The following PFKFB3 variants were observed in gnomAD, a reference collection of about 807,000 sequenced individuals.
PFKFB3 encodes 6-phosphofructo-2-kinase/fructose-2,6-bisphosphatase 3.
Under a neutral mutation model 68.0 loss-of-function variants are expected in PFKFB3, and 33 were observed. The ratio of observed to expected loss-of-function variants is 0.49; its 90% CI spans 0.37 to 0.65. PFKFB3 has a LOEUF of 0.65. Among genes scored for constraint, PFKFB3 ranks in the 30% least tolerant of loss-of-function variants. PFKFB3 has a pLI of 0.00. For synonymous variants in PFKFB3, 315 were observed against 288.2 expected (o/e 1.09, Z -0.94); for missense variants, 586 against 712.2 (o/e 0.82, Z 2.02).
the PFKFB3 span, among the ~76,000 whole-genome samples, chr10:6,309,745 A>G: frequency 6.6e-6 from 1 of 152,330 alleles, no homozygotes; most frequent in South Asian, 2.1e-4. Context: ...TTGCTTCAAA[A>G]TAATCAGGAA....
chr10:6,310,478 A>G, the PFKFB3 span, among the ~76,000 whole-genome samples: 8 of 152,156 alleles, frequency 5.3e-5, no homozygotes, highest in Non-Finnish European at 1.2e-4. Flanking sequence ...TTCGAAAAAA[A>G]AAGTCTCTAA....
the PFKFB3 span, among the ~76,000 whole-genome samples, chr10:6,308,102 G>A: frequency 3.9e-5 from 6 of 152,214 alleles, no homozygotes; most frequent in South Asian, 6.2e-4. Context: ...CCATTTTTGC[G>A]GTATTCTGTT....
At chr10:6,266,683 A>G in the PFKFB3 span, among the ~76,000 whole-genome samples, 90,781 of 152,158 alleles carry the variant, frequency 0.6, 27,579 homozygotes, top group Non-Finnish European at 0.67. Flanking sequence ...TTCTAATTCA[A>G]TGCAAATGTT....
chr10:6,274,374 A>G, the PFKFB3 span, among the ~76,000 whole-genome samples: 1 of 152,194 alleles, frequency 6.6e-6, no homozygotes, highest in Non-Finnish European at 1.5e-5. Flanking sequence ...TTACATTTAA[A>G]AAATAACACA....
chr10:6,256,592 G>C (rs1846498563), downstream of PFKFB3, among the ~76,000 whole-genome samples: 1 of 152,228 alleles, frequency 6.6e-6, no homozygotes. Context: ...GGTGGCTGTT[G>C]TCAGTGGTCT....
chr10:6,283,569 T>A, the PFKFB3 span, among the ~76,000 whole-genome samples: 1 of 152,236 alleles, frequency 6.6e-6, no homozygotes, highest in Admixed American at 6.5e-5. Flanking sequence ...CAGCCCTGAA[T>A]GAGAGGAAAG....
Position 6,229,964 on chromosome 10 carries a change from G to A in PFKFB3, c.1516-2931G>A, listed in dbSNP as rs891349745. Among the ~76,000 whole-genome samples, 4 of 152,052 alleles carry A rather than the reference G, an allele frequency of 2.6e-5. No individual in the cohort carries two copies. Among genetic ancestry groups the A allele is most frequent in the Non-Finnish European group, 5.9e-5 (4 of 67,990 alleles). ...CCACCCACCTCCTGCTGTGTGGCCC[G>A]CCTCTCAGTGGGCTATGGACTGGGT... On this transcript the variant is annotated intron_variant, in intron 14 of 14. Transcript: ENST00000379775. The surrounding 1 kb of genome is among the most constrained non-coding windows in gnomAD (Gnocchi z 4.3).
chr10:6,287,807 G>A, the PFKFB3 span, among the ~76,000 whole-genome samples: 1 of 151,438 alleles, frequency 6.6e-6, no homozygotes, highest in Non-Finnish European at 1.5e-5. Context: ...ACTGCTATCT[G>A]TTAGATCAAT....
chr10:6,285,080 C>T, the PFKFB3 span, among the ~76,000 whole-genome samples: 1 of 152,140 alleles, frequency 6.6e-6, no homozygotes, highest in African/African-American at 2.4e-5. Context: ...CTCCTGCTTT[C>T]AGTTCTTTGG....
chr10:6,196,672 G>A (rs1318106116), intron 1 of PFKFB3, among the ~76,000 whole-genome samples: 1 of 152,278 alleles, frequency 6.6e-6, no homozygotes, highest in African/African-American at 2.4e-5. Context: ...TTCGGGCCCT[G>A]CTGGCAGCTG....
chr10:6,171,868 C>T (rs1056329439), intron 1 of PFKFB3, among the ~76,000 whole-genome samples: 1 of 152,226 alleles, frequency 6.6e-6, no homozygotes, highest in African/African-American at 2.4e-5. Context: ...AGGGAGCCCG[C>T]GCTTCTCAAG....
At chr10:6,252,824 A>C (rs189117065) in intron 14 of PFKFB3, among the ~76,000 whole-genome samples, 1 of 152,334 alleles carries the variant, frequency 6.6e-6, no homozygotes, top group Admixed American at 6.5e-5. Context: ...TACATAGCAC[A>C]CTGTTAATAG....
chr10:6,169,437 G>A (rs1842239962), intron 1 of PFKFB3, among the ~76,000 whole-genome samples: 1 of 150,830 alleles, frequency 6.6e-6, no homozygotes, highest in Admixed American at 6.6e-5. Context: ...CCACCATGGA[G>A]TTGTCGGGGT....
At chr10:6,238,350 A>G (rs1846066633), downstream of PFKFB3, among the ~76,000 whole-genome samples, 1 of 151,620 alleles carries the variant, frequency 6.6e-6, no homozygotes, top group Admixed American at 6.6e-5. Flanking sequence ...TTTTTAGTAG[A>G]GACAGCATTT....
chr10:6,147,666 G>A (rs1236144254), intron 1 of PFKFB3, among the ~76,000 whole-genome samples: 1 of 152,258 alleles, frequency 6.6e-6, no homozygotes, highest in Non-Finnish European at 1.5e-5. Context: ...GCAGTGTGTA[G>A]CCTGCAGAGA....
chr10:6,255,812 C>T (rs1846486758), downstream of PFKFB3, among the ~76,000 whole-genome samples: 1 of 152,196 alleles, frequency 6.6e-6, no homozygotes, highest in Non-Finnish European at 1.5e-5. Context: ...TACCCAGCTG[C>T]CTCCTCTTCA....
chr10:6,213,842 G>T, intron 2 of PFKFB3, 94 bp downstream of exon 2: 2 of 1,397,034 alleles, frequency 1.4e-6, no homozygotes, highest in Non-Finnish European at 2.0e-6. Context: ...ACCCCTGGGC[G>T]CCTCTGTCCC....
chr10:6,271,263 C>T, the PFKFB3 span, among the ~76,000 whole-genome samples: 38 of 152,366 alleles, frequency 2.5e-4, no homozygotes, highest in African/African-American at 8.7e-4. Context: ...AACACCTCTG[C>T]TAAGGTAAGG....
chr10:6,228,175 C>G lies in PFKFB3; in HGVS notation c.1515+1810C>G, dbSNP rs772134810. ...GCGCCCTGCCTCCTGACTGACTTCT[C>G]TCTCTGCTTCTCCTCCGCAGCCTTT... On this transcript the variant is annotated intron_variant, in intron 14 of 14. Transcript: ENST00000379775. This position sits in a 1 kb window ranked among gnomAD's most constrained non-coding sequence, Gnocchi z 4.5. 4 of 1,612,804 alleles carry G rather than the reference C, an allele frequency of 2.5e-6. No homozygotes were observed. The highest frequency in any genetic ancestry group is 1.7e-5 in the Admixed American group (1 of 60,018).
Sources: gnomAD v4.1 joint callset for allele counts (sites outside exome capture counted in the v4.1 genomes callset) on GRCh38, gnomAD v4.1.1 for gene constraint, Gnocchi (gnomAD v3.1) non-coding constraint, MANE v1.5 for transcripts, NCBI Gene and HGNC (gene_info 2026-07-23, HGNC 2026-07-21) for gene names.